Variants in ADGRB1 observed in about 807,000 individuals in gnomAD.
ADGRB1 encodes brain-specific angiogenesis inhibitor 1.
A neutral mutation model predicts 175.7 loss-of-function variants in ADGRB1; 36 were observed. That is an observed-to-expected ratio of 0.20 (90% CI 0.16 to 0.27). The LOEUF is 0.27. Among genes scored for constraint, ADGRB1 ranks in the 10% least tolerant of loss-of-function variants. The pLI is 1.00. For synonymous variants in ADGRB1, 1,054 were observed against 979.4 expected, an observed-to-expected ratio of 1.08 and a Z score of -1.42; for missense variants, 1,731 against 2,255.3, an observed-to-expected ratio of 0.77 and a Z score of 4.71.
At chr8:142,513,508 A>G (rs1432039490) in intron 18 of ADGRB1, among the ~76,000 whole-genome samples, 2 of 152,110 alleles carry the variant, frequency 1.3e-5, no homozygotes, top group African/African-American at 4.8e-5. Context: ...CTCTGGGTGC[A>G]GCCTGCCCCT....
At chr8:142,487,478 T>G (rs1048267004) in intron 13 of ADGRB1, among the ~76,000 whole-genome samples, 1 of 152,182 alleles carries the variant, frequency 6.6e-6, no homozygotes, top group Non-Finnish European at 1.5e-5. Flanking sequence ...AACCCTGTTC[T>G]CGGGCATCCG....
chr8:142,475,378 G>A (rs1308969623), intron 2 of ADGRB1, 96 bp from the exon 3 acceptor site: 2 of 1,195,308 alleles, frequency 1.7e-6, no homozygotes, highest in Admixed American at 4.1e-5. Flanking sequence ...CTCCCCACCC[G>A]GGCCGGCCTC....
intron 1 of ADGRB1, among the ~76,000 whole-genome samples, chr8:142,452,276 G>T (rs995066946): frequency 6.6e-6 from 1 of 152,208 alleles, no homozygotes; most frequent in Non-Finnish European, 1.5e-5. Context: ...CGCCAGAGAG[G>T]CGCGCGGCTC....
At chr8:142,515,587 G>A (rs548392545) in intron 18 of ADGRB1, among the ~76,000 whole-genome samples, 3 of 152,352 alleles carry the variant, frequency 2.0e-5, no homozygotes, top group South Asian at 4.1e-4. Flanking sequence ...GTGGCCAGCC[G>A]GCCTCAGGCC....
In ADGRB1 at chr8:142,464,926, G is replaced by T; in HGVS notation, c.728G>T (p.Gly243Val). The T allele has an allele frequency of 6.5e-7, 1 of 1,529,738 alleles. No homozygotes were observed. Among genetic ancestry groups the T allele is most frequent in the South Asian group, 1.2e-5 (1 of 83,480 alleles). 94.8% of individuals were successfully genotyped at this position (1,529,738 alleles called of 1,614,324 possible). A position where few individuals can be genotyped will look rare whatever the true frequency, so the allele number is the denominator to read the frequency against. The change falls in exon 2 of 31, where the codon GGC becomes GTC. Residue 243 changes from glycine (G) to valine (V), a missense_variant. This residue lies in a region of ADGRB1 where 383 missense variants were observed against 383.1 expected (regional missense o/e 1.00). Transcript: ENST00000517894. The stretch of plus-strand genomic sequence containing the variant: ...TGCTTGAGAGATGCGGTGGCTGGTG[G>T]CCCTGAAAACTGCCTCACCAGCCTG... ...DVCLRDAVAG[G>V]PENCLTSLTQ... is the part of the protein sequence containing the mutation.
chr8:142,459,856 C>T (rs898918589), intron 1 of ADGRB1, among the ~76,000 whole-genome samples: 1 of 152,236 alleles, frequency 6.6e-6, no homozygotes, highest in Admixed American at 6.5e-5. Flanking sequence ...TGACCTTCCT[C>T]CTGGCCCAGA....
At chr8:142,518,290 A>C (rs13281652) in intron 19 of ADGRB1, 49 bp downstream of exon 19, 1,588,363 of 1,588,374 alleles carry the variant, frequency 1, 794,176 homozygotes, top group Middle Eastern at 1. Flanking sequence ...CTCCTGCATC[A>C]CACGCCTCTT....
chr8:142,464,371 C>G lies in ADGRB1; in HGVS notation c.173C>G (p.Ala58Gly). 1.3e-6 allele frequency: 2 copies of G among 1,522,558 alleles called. No homozygotes were observed. The highest frequency in any genetic ancestry group is 8.8e-7 in the Non-Finnish European group (1 of 1,139,252). The allele number at this position is 1,522,558 out of a possible 1,614,324, so 94.3% of individuals were successfully genotyped here. A position where few individuals can be genotyped will look rare whatever the true frequency, so the allele number is the denominator to read the frequency against. ...QGKFFGYFSA[A>G]AVFPANASRC... ...AAGTTCTTCGGCTACTTCTCCGCGG[C>G]CGCCGTGTTCCCGGCCAACGCCTCG... is the stretch of plus-strand genomic sequence containing the variant. Residue 58 changes from alanine (A) to glycine (G), a missense_variant, in exon 2 of 31, where the codon GCC becomes GGC. Physicochemically the swap from Ala to Gly is moderately conservative, Grantham distance 60. Around this residue, in one of 8 missense-constraint regions of ADGRB1, gnomAD observed 383 missense variants for 383.1 expected, o/e 1.00. Transcript: ENST00000517894.
rs557122724 is a variant in ADGRB1, at chr8:142,493,333, G to A, written c.2675+2518G>A. On this transcript the variant is annotated intron_variant, in intron 17 of 30. Transcript: ENST00000517894. This position sits in a 1 kb window ranked among gnomAD's most constrained non-coding sequence, Gnocchi z 5.0. The stretch of plus-strand genomic sequence containing the variant: ...CTTGGCTTCCTGACCCTATGGCCAG[G>A]GTCTGCCTGCTTTTAGGCAGGGGCG... Among the ~76,000 whole-genome samples the A allele has an allele frequency of 6.6e-5, 10 of 152,048 alleles. No individual in the cohort carries two copies. The highest frequency in any genetic ancestry group is 1.5e-4 in the Non-Finnish European group (10 of 67,958).
In ADGRB1 at chr8:142,474,043, G is replaced by C. The variant is rs548987770; in HGVS notation, c.785-1431G>C. Among the ~76,000 whole-genome samples, 1 of 152,332 alleles carries C rather than the reference G, an allele frequency of 6.6e-6. No individual in the cohort carries two copies. The highest frequency in any genetic ancestry group is 2.1e-4 in the South Asian group (1 of 4,832). ...TTGACTTCCCACTTGTCAGTCCTGG[G>C]AGGTCAGCCATTATCCTCATGTTGT... On this transcript the variant is annotated intron_variant, in intron 2 of 30. Transcript: ENST00000517894. The surrounding 1 kb of genome is among the most constrained non-coding windows in gnomAD (Gnocchi z 5.8).
Position 142,499,885 on chromosome 8 carries a change from G to A in ADGRB1, c.2675+9070G>A, listed in dbSNP as rs149721808. 4.5e-4 allele frequency among the ~76,000 whole-genome samples: 69 copies of A among 151,816 alleles called. 2 individuals are homozygous for A. In the East Asian group the frequency reaches 0.013, roughly 29 times the overall value. ...AGACAGGCCCAGACCTGGACCAGAAGCTGGCACTCAGAATGGGGTCACAGC... is the reference window on the plus strand; with the variant it reads ...AGACAGGCCCAGACCTGGACCAGAAACTGGCACTCAGAATGGGGTCACAGC... On this transcript the variant is annotated intron_variant, in intron 17 of 30. Transcript: ENST00000517894.
intron 18 of ADGRB1, among the ~76,000 whole-genome samples, chr8:142,513,917 A>C (rs1843252773): frequency 6.6e-6 from 1 of 151,996 alleles, no homozygotes; most frequent in African/African-American, 2.4e-5. Flanking sequence ...AGCTTACTCC[A>C]GGGGCGTGAG....
At chr8:142,482,124 G>A (rs1194984903) in intron 11 of ADGRB1, among the ~76,000 whole-genome samples, 2 of 146,288 alleles carry the variant, frequency 1.4e-5, no homozygotes, top group Admixed American at 6.8e-5. Context: ...TCTGAGTCCT[G>A]ACCCTTGTCA....
In ADGRB1 at chr8:142,475,637, T is replaced by A. The variant is rs1840917632; in HGVS notation, c.946+2T>A. 1 of 1,220,904 alleles carries A rather than the reference T, an allele frequency of 8.2e-7. No homozygotes were observed. The highest frequency in any genetic ancestry group is 1.6e-5 in the African/African-American group (1 of 62,316). 75.6% of individuals were successfully genotyped at this position (1,220,904 alleles called of 1,614,324 possible). A position where few individuals can be genotyped will look rare whatever the true frequency, so the allele number is the denominator to read the frequency against. ...AGTGCAACCGCGAGGCCTGCGGCCGTGAGTGCGGGCGGGGCGGGGCGGAGC... is the reference window on the plus strand; with the variant it reads ...AGTGCAACCGCGAGGCCTGCGGCCGAGAGTGCGGGCGGGGCGGGGCGGAGC... On this transcript the variant is annotated splice_donor_variant, in intron 3 of 30. Transcript: ENST00000517894. LOFTEE classifies it high-confidence loss of function.
rs1304113937 is a variant in ADGRB1, at chr8:142,483,962, T to C, written c.2131-15T>C. On this transcript the variant is annotated splice_polypyrimidine_tract_variant and intron_variant, in intron 11 of 30. Transcript: ENST00000517894. ...CCTGTTCTCTGTCACTGGCCCTTCT[T>C]CCTCTTCTTTCCAGAACTTTGTCCA... 1 of 1,612,958 alleles carries C rather than the reference T, an allele frequency of 6.2e-7. No homozygotes were observed. Among genetic ancestry groups the C allele is most frequent in the African/African-American group, 1.3e-5 (1 of 74,892 alleles).
chr8:142,521,802 C>A (rs1843866333), intron 20 of ADGRB1, among the ~76,000 whole-genome samples, 163 bp from the exon 21 acceptor site: 1 of 152,222 alleles, frequency 6.6e-6, no homozygotes, highest in Admixed American at 6.5e-5. Context: ...CATCTCAGGG[C>A]AAGGACCAGG....
At chr8:142,477,074 C>G in intron 4 of ADGRB1, 40 bp from the exon 5 acceptor site, 1 of 1,489,802 alleles carries the variant, frequency 6.7e-7, no homozygotes, top group Non-Finnish European at 8.9e-7. Flanking sequence ...ACTGCAGCCC[C>G]ATGGGCGGCA....
Position 142,465,062 on chromosome 8 carries a change from T to C in ADGRB1, c.784+80T>C, listed in dbSNP as rs879635976. Reference sequence around the variant, plus strand: ...CGGGCAGACAGGGGAGGCGGGCGGATGGGGGAAGTGGGCGGACAGAGGAGG... The same window carrying C: ...CGGGCAGACAGGGGAGGCGGGCGGACGGGGGAAGTGGGCGGACAGAGGAGG... On this transcript the variant is annotated intron_variant, in intron 2 of 30. Coordinates refer to ENST00000517894, the MANE Select transcript of ADGRB1 (RefSeq NM_001702.3). 5.8e-4 allele frequency: 258 copies of C among 445,468 alleles called. No individual in the cohort carries two copies. In the Middle Eastern group the frequency reaches 7.5e-3, roughly 13 times the overall value. 27.6% of individuals were successfully genotyped at this position (445,468 alleles called of 1,614,324 possible). A position where few individuals can be genotyped will look rare whatever the true frequency, so the allele number is the denominator to read the frequency against.
At chr8:142,521,362 GC>G (rs1843837196) in intron 20 of ADGRB1, among the ~76,000 whole-genome samples, 1 of 152,168 alleles carries the variant, frequency 6.6e-6, no homozygotes, top group Admixed American at 6.5e-5. Flanking sequence ...GCCCCTGCCT[GC>G]CCTCCCCAGA....
Sources: allele counts gnomAD v4.1 joint callset (sites outside exome capture counted in the v4.1 genomes callset), GRCh38; gene constraint gnomAD v4.1.1; regional missense constraint gnomAD v4.1.1; non-coding constraint Gnocchi (gnomAD v3.1); transcripts MANE v1.5; gene names NCBI Gene and HGNC (gene_info 2026-07-23, HGNC 2026-07-21).